The following COL23A1 variants were observed in gnomAD, a reference collection of about 807,000 sequenced individuals.
COL23A1 encodes the protein collagen alpha-1(XXIII) chain.
Under a neutral mutation model 99.3 loss-of-function variants are expected in COL23A1, and 97 were observed. That is an observed-to-expected ratio of 0.98 (90% CI 0.83 to 1.16). The LOEUF is 1.16. COL23A1 is among the 50% of genes most tolerant of loss of function. COL23A1 has a pLI of 0.00. For synonymous variants in COL23A1, 320 were observed against 308.2 expected (o/e 1.04, Z -0.40); for missense variants, 762 against 757.4 (o/e 1.01, Z -0.07).
At chr5:178,380,292 A>G (rs1043864104) in intron 2 of COL23A1, among the ~76,000 whole-genome samples, 1 of 152,032 alleles carries the variant, frequency 6.6e-6, no homozygotes, top group African/African-American at 2.4e-5. Context: ...GACCTAGATG[A>G]GGGGGTCCAA....
chr5:178,267,048 G>A (rs1004198175), intron 8 of COL23A1, among the ~76,000 whole-genome samples: 1 of 152,252 alleles, frequency 6.6e-6, no homozygotes, highest in African/African-American at 2.4e-5. Context: ...TCACGTGCCA[G>A]CCCCACTGTC....
chr5:178,262,287 C>A (rs920817149), intron 9 of COL23A1, 35 bp from the exon 10 acceptor site: 2 of 1,564,920 alleles, frequency 1.3e-6, no homozygotes, highest in African/African-American at 1.3e-5. Context: ...GTGAAGGATG[C>A]AGGATGTCAC....
At chr5:178,336,298 C>T (rs2127653825) in intron 2 of COL23A1, among the ~76,000 whole-genome samples, 1 of 152,318 alleles carries the variant, frequency 6.6e-6, no homozygotes, top group East Asian at 1.9e-4. Flanking sequence ...ATGTTCCTAG[C>T]AGCATTATTC....
rs150979378 is a variant in COL23A1, at chr5:178,340,711, C to T, written c.362-33792G>A. 3.2e-3 allele frequency among the ~76,000 whole-genome samples: 487 copies of T among 152,310 alleles called. 2 individuals carry two copies. Among genetic ancestry groups the T allele is most frequent in the African/African-American group, 0.011 (459 of 41,578 alleles). On this transcript the variant is annotated intron_variant, in intron 2 of 28. Transcript: ENST00000390654. This position sits in a 1 kb window ranked among gnomAD's most constrained non-coding sequence, Gnocchi z 4.7. ...GACACCGGGGATTCTAGTCCTCGGC[C>T]CTCCCAGGGGCAGTGAGGGAGTCTC...
chr5:178,252,941 C>G (rs567696169), intron 16 of COL23A1, among the ~76,000 whole-genome samples: 5 of 152,294 alleles, frequency 3.3e-5, no homozygotes, highest in South Asian at 2.1e-4. Flanking sequence ...AGCTTAAATC[C>G]CCTGCTGGCA....
At chr5:178,455,648 C>T (rs1284764619) in intron 2 of COL23A1, among the ~76,000 whole-genome samples, 2 of 152,200 alleles carry the variant, frequency 1.3e-5, no homozygotes, top group African/African-American at 4.8e-5. Flanking sequence ...GGCATCTCCG[C>T]CATCGCTTCT....
rs1561811726 is a variant in COL23A1 at position 178,271,085 on chromosome 5, C to G, written c.442-722G>C. ...CCAGAGAGTGGGGGCACTCAGGGAC[C>G]TCCAGGCCCCCTGCAGAGTCTGCAG... On this transcript the variant is annotated intron_variant, in intron 5 of 28. Transcript: ENST00000390654. 2.6e-5 allele frequency among the ~76,000 whole-genome samples: 4 copies of G among 152,184 alleles called. No homozygotes were observed. In the South Asian group the frequency reaches 8.3e-4, roughly 32 times the overall value.
chr5:178,240,900 GA>G (rs1764361227), intron 27 of COL23A1, among the ~76,000 whole-genome samples: 1 of 152,144 alleles, frequency 6.6e-6, no homozygotes, highest in Non-Finnish European at 1.5e-5. Flanking sequence ...TGTCTTTTCT[GA>G]GCTCCACCGG....
chr5:178,268,328 C>T (rs1420497948), intron 7 of COL23A1, among the ~76,000 whole-genome samples: 2 of 152,126 alleles, frequency 1.3e-5, no homozygotes, highest in Non-Finnish European at 2.9e-5. Context: ...CCCAAGGGGC[C>T]GCAGAGATAG....
At chr5:178,449,252 T>G (rs916055110) in intron 2 of COL23A1, among the ~76,000 whole-genome samples, 3 of 152,320 alleles carry the variant, frequency 2.0e-5, no homozygotes, top group Admixed American at 2.0e-4. Context: ...GGGAGGCCCC[T>G]GGGAGGCCAA....
At chr5:178,264,667 T>G (rs1213870080) in intron 8 of COL23A1, among the ~76,000 whole-genome samples, 1 of 152,180 alleles carries the variant, frequency 6.6e-6, no homozygotes, top group East Asian at 1.9e-4. Flanking sequence ...TTTTGTTTGT[T>G]TTTTTGAGAC....
At chr5:178,349,508 T>TCCCCCCCCCCCCCCCC (rs1761187889) in intron 2 of COL23A1, among the ~76,000 whole-genome samples, 1 of 88,864 alleles carries the variant, frequency 1.1e-5, no homozygotes, top group Non-Finnish European at 2.1e-5. Context: ...CCATCCCCCA[T>TCCCCCCCCCCCCCCCC]GCCCCACACC....
At chr5:178,541,773 T>G (rs2113340438) in intron 2 of COL23A1, among the ~76,000 whole-genome samples, 1 of 152,228 alleles carries the variant, frequency 6.6e-6, no homozygotes, top group East Asian at 1.9e-4. Flanking sequence ...TGAATAACCC[T>G]CAACTGCATG....
intron 2 of COL23A1, among the ~76,000 whole-genome samples, chr5:178,545,415 C>T (rs1427725850): frequency 6.6e-6 from 1 of 152,178 alleles, no homozygotes; most frequent in East Asian, 1.9e-4. Flanking sequence ...ACAGGGAAGG[C>T]AGCTCTCCCA....
At chr5:178,244,703 C>T (rs947170744) in intron 25 of COL23A1, among the ~76,000 whole-genome samples, 3 of 152,232 alleles carry the variant, frequency 2.0e-5, no homozygotes, top group Non-Finnish European at 4.4e-5. Flanking sequence ...GCCCTGGATC[C>T]ATGTGTTGAA....
intron 2 of COL23A1, among the ~76,000 whole-genome samples, chr5:178,424,622 C>T (rs4361533): frequency 0.09 from 13,753 of 152,248 alleles, 758 homozygotes; most frequent in Middle Eastern, 0.19. Context: ...TAGTCATTCG[C>T]GGTTCTGCAG....
chr5:178,347,876 T>G (rs1286993031), intron 2 of COL23A1, among the ~76,000 whole-genome samples: 1 of 82,380 alleles, frequency 1.2e-5, no homozygotes, highest in Admixed American at 1.4e-4. Flanking sequence ...CAAGACTCTG[T>G]CTCAAAAAAA....
At chr5:178,547,361 G>A (rs1172884244) in intron 2 of COL23A1, among the ~76,000 whole-genome samples, 2 of 151,864 alleles carry the variant, frequency 1.3e-5, no homozygotes, top group Admixed American at 6.5e-5. Context: ...ACATGGGTAA[G>A]AATATTGGCT....
intron 2 of COL23A1, among the ~76,000 whole-genome samples, chr5:178,469,312 C>G (rs1474822811): frequency 3.9e-5 from 6 of 152,156 alleles, no homozygotes; most frequent in Admixed American, 3.9e-4. Context: ...GAGCTTGTTA[C>G]CCCTGGGACA....
Sources: gnomAD v4.1 joint callset for allele counts (sites outside exome capture counted in the v4.1 genomes callset) on GRCh38, gnomAD v4.1.1 for gene constraint, Gnocchi (gnomAD v3.1) non-coding constraint, MANE v1.5 for transcripts, NCBI Gene and HGNC (gene_info 2026-07-23, HGNC 2026-07-21) for gene names.